Variants in DUSP12 observed in about 807,000 individuals in gnomAD.
DUSP12 encodes the protein dual specificity phosphatase 12.
Under a neutral mutation model 38.9 loss-of-function variants are expected in DUSP12, and 25 were observed. The observed-to-expected ratio is 0.64, with a 90% CI of 0.47 to 0.90. The LOEUF (loss-of-function observed/expected upper bound fraction) is 0.90. Ranked by LOEUF, DUSP12 falls within the 40% of genes least tolerant of loss-of-function variation. The pLI, the probability that DUSP12 is intolerant of heterozygous loss-of-function variation, is 0.00. For synonymous variants in DUSP12, 153 were observed against 153.9 expected, an observed-to-expected ratio of 0.99 and a Z score of 0.05; for missense variants, 403 against 427.0, an observed-to-expected ratio of 0.94 and a Z score of 0.50.
chr1:161,756,909 A>C lies in DUSP12; in HGVS notation c.985A>C (p.Ile329Leu), dbSNP rs1005660989. The stretch of plus-strand genomic sequence containing the variant: ...TAAGAATAGAGTGGATGAAATGAAA[A>C]TATTGCCTGTTTTGGGATCACAAAC... ...IHKNRVDEMK[I>L]LPVLGSQTGK... The change falls in exon 6 of 6, where the codon ATA (isoleucine) becomes CTA (leucine). Residue 329 changes from isoleucine (I) to leucine (L), a missense_variant. By Grantham distance (5) the Ile-to-Leu change is conservative. Coordinates refer to ENST00000367943, the MANE Select transcript of DUSP12 (RefSeq NM_007240.3). The C allele has an allele frequency of 1.9e-6, 3 of 1,612,534 alleles. No homozygotes were observed. The highest frequency in any genetic ancestry group is 2.5e-6 in the Non-Finnish European group (3 of 1,179,038).
chr1:161,755,893 G>T (rs941706597), intron 5 of DUSP12, among the ~76,000 whole-genome samples: 1 of 151,992 alleles, frequency 6.6e-6, no homozygotes, highest in Admixed American at 6.6e-5. Flanking sequence ...GTCTTGCTCT[G>T]TTGCCCAGGC....
chr1:161,750,312 A>G (rs1342712101), intron 1 of DUSP12, among the ~76,000 whole-genome samples, 167 bp downstream of exon 1: 1 of 152,206 alleles, frequency 6.6e-6, no homozygotes, highest in Non-Finnish European at 1.5e-5. Flanking sequence ...AGGAGGGTTG[A>G]GGCGGGCCCC....
At chr1:161,751,545 G>T (rs1030416513) in intron 1 of DUSP12, 123 bp from the exon 2 acceptor site, 1 of 1,220,786 alleles carries the variant, frequency 8.2e-7, no homozygotes, top group African/African-American at 1.5e-5. Flanking sequence ...GAGGCAATGG[G>T]CTTATTTGAG....
At chr1:161,752,080 A>G (rs1382730945) in intron 3 of DUSP12, 96 bp downstream of exon 3, 3 of 900,334 alleles carry the variant, frequency 3.3e-6, no homozygotes, top group East Asian at 2.4e-5. Context: ...CTGAGAAACT[A>G]TTGTTTCTTT....
At chr1:161,750,876 G>C (rs1684009051) in intron 1 of DUSP12, among the ~76,000 whole-genome samples, 1 of 152,136 alleles carries the variant, frequency 6.6e-6, no homozygotes, top group Non-Finnish European at 1.5e-5. Flanking sequence ...AGTGAGCCGA[G>C]GTCATGCCAC....
At chr1:161,753,331 C>T in intron 5 of DUSP12, 70 bp downstream of exon 5, 1 of 1,322,602 alleles carries the variant, frequency 7.6e-7, no homozygotes. Context: ...GCATTTTAAG[C>T]TCTATTTTAA....
rs575989639 is a variant in DUSP12, at chr1:161,756,691, G to T, written c.862-95G>T. 1.4e-5 allele frequency: 20 copies of T among 1,388,268 alleles called. No individual in the cohort carries two copies. The African/African-American group carries it at 2.3e-4, about 16-fold the overall frequency. 86.0% of individuals were successfully genotyped at this position (1,388,268 alleles called of 1,614,324 possible). On this transcript the variant is annotated intron_variant, in intron 5 of 5. Coordinates refer to ENST00000367943, the MANE Select transcript of DUSP12 (RefSeq NM_007240.3). ...AGATTATAAACTCAACGTGGGGATC[G>T]TGTCTTGTTTTTATATCCTATATTG...
intron 1 of DUSP12, 26 bp downstream of exon 1, chr1:161,750,171 G>T: frequency 6.3e-7 from 1 of 1,584,896 alleles, no homozygotes; most frequent in Non-Finnish European, 8.6e-7. Flanking sequence ...AGTGGGTGAC[G>T]TGCCCCGCCA....
At chr1:161,753,034 T>G (rs1684051337) in intron 4 of DUSP12, 41 bp from the exon 5 acceptor site, 1 of 1,538,128 alleles carries the variant, frequency 6.5e-7, no homozygotes, top group Non-Finnish European at 8.8e-7. Flanking sequence ...TTTTCATCCT[T>G]TTGGAAGTCA....
In DUSP12 at chr1:161,752,400, G is replaced by A; in HGVS notation, c.610G>A (p.Val204Ile). ...GAATTTACCTCAAGAACTCTTTGCT[G>A]TTGACCCAACTACCGTTTCACAAGG... ...LQNLPQELFA[V>I]DPTTVSQGLK... Residue 204 changes from valine to isoleucine, a missense_variant, in exon 4 of 6, where the codon GTT (valine) becomes ATT (isoleucine). Val to Ile is a conservative substitution (Grantham distance 29). Coordinates refer to ENST00000367943, the MANE Select transcript of DUSP12 (RefSeq NM_007240.3). The A allele has an allele frequency of 6.2e-7, 1 of 1,613,044 alleles. No individual in the cohort carries two copies. Among genetic ancestry groups the A allele is most frequent in the African/African-American group, 1.3e-5 (1 of 74,962 alleles).
At chr1:161,751,545 G>A (rs1030416513) in intron 1 of DUSP12, 123 bp from the exon 2 acceptor site, 1 of 1,220,786 alleles carries the variant, frequency 8.2e-7, no homozygotes, top group Non-Finnish European at 1.1e-6. Context: ...GAGGCAATGG[G>A]CTTATTTGAG....
rs750794242 is a variant in DUSP12 at position 161,753,239 on chromosome 1, T to G, written c.839T>G (p.Leu280Trp). 6.2e-7 allele frequency: 1 copy of G among 1,604,636 alleles called. No homozygotes were observed. The highest frequency in any genetic ancestry group is 1.1e-5 in the South Asian group (1 of 89,464). ...CCTGTACAGTGGATGGAATCTGCTT[T>G]GTTGGGAGTGATGGATGGACAGGTG... ...IEPVQWMESA[L>W]LGVMDGQLLC... is the part of the protein sequence containing the mutation. Residue 280 changes from leucine (L) to tryptophan (W), a missense_variant, in exon 5 of 6, where the codon TTG (leucine) becomes TGG (tryptophan). Physicochemically the swap from Leu to Trp is moderately conservative, Grantham distance 61 (BLOSUM62 -2). Coordinates refer to ENST00000367943, the MANE Select transcript of DUSP12 (RefSeq NM_007240.3).
chr1:161,750,889 C>T (rs187169700), intron 1 of DUSP12, among the ~76,000 whole-genome samples: 8 of 152,270 alleles, frequency 5.3e-5, no homozygotes, highest in African/African-American at 1.9e-4. Context: ...CATGCCACAG[C>T]ACTCCAGCCT....
At chr1:161,752,915 A>T (rs1169542337) in intron 4 of DUSP12, among the ~76,000 whole-genome samples, 160 bp from the exon 5 acceptor site, 1 of 151,956 alleles carries the variant, frequency 6.6e-6, no homozygotes, top group East Asian at 1.9e-4. Flanking sequence ...GGTTGAACCC[A>T]GGAGGCGGAG....
rs1221356370 is a variant in DUSP12, at chr1:161,751,878, G to C, written c.471G>C (p.Gly157=). ...TTTATCATTACAGGATGAATGAGGG[G>C]TTTGAGTGGCAACTGAAATTATACC... ...ILKPEAKMNE[G]FEWQLKLYQA... Residue 157 remains glycine, a synonymous_variant, in exon 3 of 6, where the codon GGG becomes GGC. Coordinates refer to ENST00000367943, the MANE Select transcript of DUSP12 (RefSeq NM_007240.3). 3 of 1,612,598 alleles carry C rather than the reference G, an allele frequency of 1.9e-6. No homozygotes were observed. Among genetic ancestry groups the C allele is most frequent in the Non-Finnish European group, 1.7e-6 (2 of 1,179,346 alleles).
intron 5 of DUSP12, among the ~76,000 whole-genome samples, chr1:161,754,238 T>G (rs1684074862): frequency 6.6e-6 from 1 of 152,222 alleles, no homozygotes; most frequent in Admixed American, 6.5e-5. Flanking sequence ...GCAGTTATAT[T>G]CACGTGTTGT....
chr1:161,755,664 GC>G (rs1216306510), intron 5 of DUSP12, among the ~76,000 whole-genome samples: 15 of 151,968 alleles, frequency 9.9e-5, no homozygotes, highest in African/African-American at 3.6e-4. Context: ...ATATTCCTAG[GC>G]CCATTTGCCT....
rs189376979 is a variant in DUSP12, at chr1:161,752,593, C to G, written c.674+129C>G. On this transcript the variant is annotated intron_variant, in intron 4 of 5. Transcript: ENST00000367943. ...GAAATTTTTAGTTCAGATCTGTTTT[C>G]AGAAAGAATATAAATTCTTAAAAAG... 218 of 621,388 alleles carry G rather than the reference C, an allele frequency of 3.5e-4. No individual in the cohort carries two copies. In the African/African-American group the frequency reaches 3.8e-3, roughly 11 times the overall value. 38.5% of individuals were successfully genotyped at this position (621,388 alleles called of 1,614,324 possible).
chr1:161,756,687 G>A, intron 5 of DUSP12, 99 bp from the exon 6 acceptor site: 1 of 1,355,818 alleles, frequency 7.4e-7, no homozygotes, highest in Non-Finnish European at 1.0e-6. Context: ...TCAACGTGGG[G>A]ATCGTGTCTT....
Sources: gnomAD v4.1 joint callset for allele counts (sites outside exome capture counted in the v4.1 genomes callset) on GRCh38, gnomAD v4.1.1 for gene constraint, MANE v1.5 for transcripts, NCBI Gene and HGNC (gene_info 2026-07-23, HGNC 2026-07-21) for gene names.